CYP39A1: variants seen among roughly 807,000 people sequenced by gnomAD.
CYP39A1 encodes 24-hydroxycholesterol 7-alpha-hydroxylase.
A neutral mutation model predicts 58.1 loss-of-function variants in CYP39A1; 49 were observed. The ratio of observed to expected loss-of-function variants is 0.84; its 90% confidence interval spans 0.67 to 1.07. CYP39A1 has a LOEUF of 1.07. Among genes scored for constraint, CYP39A1 ranks in the 50% least tolerant of loss-of-function variants. CYP39A1 has a pLI of 0.00. For synonymous variants in CYP39A1, 209 were observed against 187.6 expected (o/e 1.11, Z -0.93); for missense variants, 531 against 539.4 (o/e 0.98, Z 0.16).
chr6:46,589,182 G>T (rs1436970143), intron 8 of CYP39A1, among the ~76,000 whole-genome samples: 1 of 152,072 alleles, frequency 6.6e-6, no homozygotes, highest in Non-Finnish European at 1.5e-5. Context: ...GCTGGGTGTG[G>T]TGGCTCATGC....
rs144252575 is a variant in CYP39A1 at position 46,552,786 on chromosome 6, T to C, written c.1338+981A>G. On this transcript the variant is annotated intron_variant, in intron 11 of 11. Transcript: ENST00000275016. ...AGCAGCGGCATCACCTGGAGCTTGTTAGAAATGCAAATTCTGGGCCAGGTG... is the reference window on the plus strand; with the variant it reads ...AGCAGCGGCATCACCTGGAGCTTGTCAGAAATGCAAATTCTGGGCCAGGTG... 9.2e-3 allele frequency among the ~76,000 whole-genome samples: 1,401 copies of C among 152,278 alleles called. 12 individuals carry two copies. Among genetic ancestry groups the C allele is most frequent in the Non-Finnish European group, 0.014 (949 of 68,026 alleles).
chr6:46,562,897 C>A (rs1335307449), intron 10 of CYP39A1, among the ~76,000 whole-genome samples: 2 of 151,862 alleles, frequency 1.3e-5, no homozygotes, highest in Non-Finnish European at 2.9e-5. Flanking sequence ...TCATAATGTA[C>A]ATTTTGAATT....
intron 8 of CYP39A1, among the ~76,000 whole-genome samples, chr6:46,590,734 A>C (rs1269957402): frequency 6.6e-6 from 1 of 152,166 alleles, no homozygotes; most frequent in Non-Finnish European, 1.5e-5. Context: ...ACTTAGTATT[A>C]ATAGGAGATA....
intron 2 of CYP39A1, 77 bp downstream of exon 2, chr6:46,642,086 G>C: frequency 7.1e-7 from 1 of 1,407,644 alleles, no homozygotes; most frequent in Non-Finnish European, 1.0e-6. Context: ...AGAGGAATGA[G>C]GATGTAATTT....
At chr6:46,621,612 C>T (rs1190300034) in intron 7 of CYP39A1, among the ~76,000 whole-genome samples, 1 of 151,978 alleles carries the variant, frequency 6.6e-6, no homozygotes, top group Non-Finnish European at 1.5e-5. Flanking sequence ...AAAACTGACT[C>T]AAGAAGAAAT....
intron 1 of CYP39A1, among the ~76,000 whole-genome samples, chr6:46,643,598 A>C (rs1776475623): frequency 6.6e-6 from 1 of 152,240 alleles, no homozygotes; most frequent in Non-Finnish European, 1.5e-5. Context: ...ACTTCCCATT[A>C]GTAGGTAGCT....
rs111701816 is a variant in CYP39A1, at chr6:46,550,346, C to A, written c.*20G>T. ...GCCACTCCTCCAGAAGGCCCTGGTC[C>A]TTGTGAGGCCCAACAGATGTCATAT... is the stretch of plus-strand genomic sequence containing the variant. On this transcript the variant is annotated 3_prime_UTR_variant, in exon 12 of 12. Transcript: ENST00000275016. 6.9e-4 allele frequency: 1,112 copies of A among 1,609,994 alleles called. 4 individuals are homozygous for A. In the African/African-American group the frequency reaches 0.013, roughly 19 times the overall value.
intron 6 of CYP39A1, 88 bp downstream of exon 6, chr6:46,630,875 G>GAAAAAAGAATGGAAGACAGAAATGAAGGA (rs1775616415): frequency 9.1e-7 from 1 of 1,095,184 alleles, no homozygotes. Flanking sequence ...GTGATGAGTG[G>GAAAAAAGAATGGAAGACAGAAATGAAGGA]AAAAAAGAAT....
At chr6:46,609,891 G>A (rs1774110690) in intron 7 of CYP39A1, among the ~76,000 whole-genome samples, 1 of 152,106 alleles carries the variant, frequency 6.6e-6, no homozygotes, top group Admixed American at 6.5e-5. Context: ...TATTATACAT[G>A]TTGTGTAAGA....
chr6:46,638,858 A>C (rs552089854), intron 3 of CYP39A1, among the ~76,000 whole-genome samples: 1 of 152,258 alleles, frequency 6.6e-6, no homozygotes, highest in East Asian at 1.9e-4. Flanking sequence ...CTCTTTATGC[A>C]TGTGGGAAAT....
intron 1 of CYP39A1, among the ~76,000 whole-genome samples, chr6:46,648,952 T>G (rs952622278): frequency 4.0e-4 from 61 of 152,204 alleles, no homozygotes; most frequent in Non-Finnish European, 5.9e-5. Context: ...GCTTAAAAAA[T>G]GGTAAATTCT....
Position 46,608,700 on chromosome 6 carries a change from C to T in CYP39A1, c.932-12580G>A, listed in dbSNP as rs146582743. On this transcript the variant is annotated intron_variant, in intron 7 of 11. Coordinates refer to ENST00000275016, the MANE Select transcript of CYP39A1 (RefSeq NM_016593.5). ...CACAATCTCGGCTGATTGCAACCTC[C>T]GCCTCCTGGATTCAAGTAATTCTAC... 2.0e-4 allele frequency among the ~76,000 whole-genome samples: 30 copies of T among 152,066 alleles called. No individual in the cohort carries two copies. In the East Asian group the frequency reaches 3.9e-3, roughly 20 times the overall value.
chr6:46,619,131 A>G (rs1220244445), intron 7 of CYP39A1, among the ~76,000 whole-genome samples: 1 of 152,120 alleles, frequency 6.6e-6, no homozygotes, highest in African/African-American at 2.4e-5. Context: ...CTGACTGACC[A>G]TCATACAATA....
At chr6:46,575,524 C>CTT (rs1406638248) in intron 10 of CYP39A1, among the ~76,000 whole-genome samples, 1 of 152,204 alleles carries the variant, frequency 6.6e-6, no homozygotes, top group Non-Finnish European at 1.5e-5. Flanking sequence ...CATTGGAGCA[C>CTT]TTTTGCATCT....
intron 10 of CYP39A1, among the ~76,000 whole-genome samples, chr6:46,583,901 C>T (rs535617361): frequency 6.6e-6 from 1 of 152,248 alleles, no homozygotes; most frequent in Non-Finnish European, 1.5e-5. Context: ...AGTGTGTGTT[C>T]ATGATGAACT....
At chr6:46,565,724 C>T (rs1404571770) in intron 10 of CYP39A1, among the ~76,000 whole-genome samples, 1 of 152,146 alleles carries the variant, frequency 6.6e-6, no homozygotes, top group Admixed American at 6.6e-5. Flanking sequence ...AAGCAGCATA[C>T]ACCACATTGC....
chr6:46,585,321 GTA>G (rs1772403935), intron 10 of CYP39A1, among the ~76,000 whole-genome samples: 1 of 131,536 alleles, frequency 7.6e-6, no homozygotes, highest in Non-Finnish European at 1.6e-5. Flanking sequence ...GTTGCTATTG[GTA>G]TAGATAGATA....
intron 7 of CYP39A1, among the ~76,000 whole-genome samples, chr6:46,610,217 G>A (rs1389254477): frequency 2.0e-5 from 3 of 152,170 alleles, no homozygotes; most frequent in Non-Finnish European, 4.4e-5. Context: ...ATACACAAGG[G>A]TTATGTGGAT....
chr6:46,552,751 A>AAGC (rs1265989103), intron 11 of CYP39A1, among the ~76,000 whole-genome samples: 1 of 152,146 alleles, frequency 6.6e-6, no homozygotes, highest in Non-Finnish European at 1.5e-5. Flanking sequence ...GCACCCAGAC[A>AAGC]AGCAGCAGCA....
Sources: gnomAD v4.1 joint callset for allele counts (sites outside exome capture counted in the v4.1 genomes callset) on GRCh38, gnomAD v4.1.1 for gene constraint, MANE v1.5 for transcripts, NCBI Gene and HGNC (gene_info 2026-07-23, HGNC 2026-07-21) for gene names.